Variants in OPCML observed in about 807,000 individuals in gnomAD.
The protein encoded by OPCML is opioid binding protein/cell adhesion molecule like.
In OPCML, 13 loss-of-function variants were observed where a neutral mutation model predicts 37.8. The observed-to-expected ratio is 0.34, with a 90% confidence interval of 0.22 to 0.55. The LOEUF (loss-of-function observed/expected upper bound fraction) is 0.55. Ranked by LOEUF, OPCML falls within the 20% of genes least tolerant of loss-of-function variation. The pLI is 0.91. For synonymous variants in OPCML, 176 were observed against 168.8 expected (o/e 1.04, Z -0.33); for missense variants, 341 against 435.6 (o/e 0.78, Z 1.93).
chr11:132,662,619 G>A (rs537452290), intron 2 of OPCML, among the ~76,000 whole-genome samples: 1 of 152,324 alleles, frequency 6.6e-6, no homozygotes, highest in East Asian at 1.9e-4. Context: ...TAAAATAAAA[G>A]AAGGTAAGGA....
intron 3 of OPCML, among the ~76,000 whole-genome samples, chr11:132,621,813 T>G (rs961410179): frequency 3.3e-5 from 5 of 152,332 alleles, no homozygotes; most frequent in Admixed American, 1.3e-4. Flanking sequence ...TCCTGAGGTT[T>G]TATGGAGTAA....
intron 1 of OPCML, among the ~76,000 whole-genome samples, chr11:133,031,157 G>A (rs991764380): frequency 8.8e-4 from 134 of 152,186 alleles, no homozygotes; most frequent in African/African-American, 3.2e-3. Flanking sequence ...TTCAAGAGAT[G>A]AATGGATAGA....
intron 2 of OPCML, among the ~76,000 whole-genome samples, chr11:132,759,570 T>G (rs1946187145): frequency 6.6e-6 from 1 of 152,194 alleles, no homozygotes; most frequent in African/African-American, 2.4e-5. Flanking sequence ...TCTTCTAGAT[T>G]TTCTAGTTTA....
intron 1 of OPCML, among the ~76,000 whole-genome samples, chr11:132,980,107 C>A (rs184974313): frequency 6.6e-6 from 1 of 152,136 alleles, no homozygotes; most frequent in African/African-American, 2.4e-5. Flanking sequence ...AAAAGAAATA[C>A]GGATGGCAAA....
intron 1 of OPCML, among the ~76,000 whole-genome samples, chr11:133,246,135 T>G (rs967796114): frequency 6.6e-6 from 1 of 152,096 alleles, no homozygotes. Flanking sequence ...TAAAAAAAAT[T>G]AAAAAGAAGC....
chr11:133,052,041 G>C (rs1360684931), intron 1 of OPCML, among the ~76,000 whole-genome samples: 1 of 152,128 alleles, frequency 6.6e-6, no homozygotes, highest in Non-Finnish European at 1.5e-5. Context: ...AAACCACCAG[G>C]TTCATACCCT....
chr11:132,468,877 T>C (rs2096127262), intron 4 of OPCML, among the ~76,000 whole-genome samples: 1 of 152,188 alleles, frequency 6.6e-6, no homozygotes, highest in Non-Finnish European at 1.5e-5. Flanking sequence ...TCTAAAATCA[T>C]GGATCTCATC....
At chr11:132,505,985 T>C (rs1052314247) in intron 4 of OPCML, among the ~76,000 whole-genome samples, 7 of 152,164 alleles carry the variant, frequency 4.6e-5, no homozygotes, top group African/African-American at 1.7e-4. Flanking sequence ...GAAAGAATTT[T>C]CAACCTCACA....
chr11:132,980,779 G>A (rs59757802), intron 1 of OPCML, among the ~76,000 whole-genome samples: 184 of 152,312 alleles, frequency 1.2e-3, no homozygotes, highest in African/African-American at 4.3e-3. Flanking sequence ...ACGGGCCCAA[G>A]GGTTTCCCTT....
At chr11:132,972,013 G>A (rs1946353486) in intron 1 of OPCML, among the ~76,000 whole-genome samples, 1 of 152,142 alleles carries the variant, frequency 6.6e-6, no homozygotes. Flanking sequence ...CCATTAACAG[G>A]AATCCAAGGG....
At chr11:133,236,840 A>G (rs1940538992) in intron 1 of OPCML, among the ~76,000 whole-genome samples, 1 of 152,186 alleles carries the variant, frequency 6.6e-6, no homozygotes, top group African/African-American at 2.4e-5. Flanking sequence ...CAGTCAGGAC[A>G]AATACAGAAT....
At chr11:132,921,611 G>C (rs1163781607) in intron 2 of OPCML, among the ~76,000 whole-genome samples, 1 of 152,236 alleles carries the variant, frequency 6.6e-6, no homozygotes, top group Non-Finnish European at 1.5e-5. Context: ...CCTCCAGCTA[G>C]AGCCTGGACA....
At chr11:133,493,930 C>T (rs551322335) in intron 1 of OPCML, among the ~76,000 whole-genome samples, 1 of 151,092 alleles carries the variant, frequency 6.6e-6, no homozygotes, top group Non-Finnish European at 1.5e-5. Context: ...AGGCAACCCA[C>T]AAAATGGGAG....
chr11:132,936,707 T>C (rs1053541086), intron 2 of OPCML, among the ~76,000 whole-genome samples: 3 of 152,166 alleles, frequency 2.0e-5, no homozygotes, highest in Non-Finnish European at 2.9e-5. Context: ...ACAGCTTCAA[T>C]GTTCATTTCT....
intron 1 of OPCML, among the ~76,000 whole-genome samples, chr11:133,496,957 G>A (rs547070132): frequency 2.0e-5 from 3 of 152,200 alleles, no homozygotes; most frequent in East Asian, 1.9e-4. Flanking sequence ...AGTGGTGAGC[G>A]TGGGCATCCC....
At chr11:133,293,306 A>C (rs1477037101) in intron 1 of OPCML, among the ~76,000 whole-genome samples, 1 of 152,040 alleles carries the variant, frequency 6.6e-6, no homozygotes, top group Admixed American at 6.6e-5. Flanking sequence ...GTGACCTAGG[A>C]GGTTGCATAG....
intron 1 of OPCML, among the ~76,000 whole-genome samples, chr11:133,369,817 T>C (rs946842343): frequency 3.9e-5 from 6 of 152,214 alleles, no homozygotes; most frequent in African/African-American, 1.4e-4. Context: ...GCATTCACAC[T>C]GACATGGTTG....
At chr11:132,525,766 G>T (rs2096306526) in intron 4 of OPCML, 1 of 152,118 alleles carries the variant, frequency 6.6e-6, no homozygotes, top group Non-Finnish European at 1.5e-5. Flanking sequence ...TGTTACATAG[G>T]TATACACGTG....
chr11:132,952,403 C>G (rs187499763), intron 1 of OPCML, among the ~76,000 whole-genome samples: 169 of 152,288 alleles, frequency 1.1e-3, no homozygotes, highest in African/African-American at 4.0e-3. Context: ...CCAAACCAAT[C>G]CCTATATGAT....
Sources: gnomAD v4.1 joint callset for allele counts (sites outside exome capture counted in the v4.1 genomes callset) on GRCh38, gnomAD v4.1.1 for gene constraint, MANE v1.5 for transcripts, NCBI Gene and HGNC (gene_info 2026-07-23, HGNC 2026-07-21) for gene names.